CACNA2D3: variants seen among roughly 807,000 people sequenced by gnomAD.
The protein encoded by CACNA2D3 is calcium voltage-gated channel auxiliary subunit alpha2delta 3, also known as voltage-dependent calcium channel subunit alpha-2/delta-3.
In CACNA2D3, 60 loss-of-function variants were observed where a neutral mutation model predicts 160.6. The ratio of observed to expected loss-of-function variants is 0.37; its 90% confidence interval spans 0.30 to 0.46. The LOEUF (loss-of-function observed/expected upper bound fraction) is 0.46. Ranked by LOEUF, CACNA2D3 falls within the 20% of genes least tolerant of loss-of-function variation. The pLI, the probability that CACNA2D3 is intolerant of heterozygous loss-of-function variation, is 1.00. For missense variants in CACNA2D3, 1,205 were observed against 1,365.0 expected (o/e 0.88, Z 1.85); for synonymous variants, 558 against 492.9 (o/e 1.13, Z -1.75).
At chr3:54,509,291 T>TGTG (rs1701420684) in intron 5 of CACNA2D3, among the ~76,000 whole-genome samples, 1 of 150,850 alleles carries the variant, frequency 6.6e-6, no homozygotes, top group African/African-American at 2.4e-5. Flanking sequence ...GTGTGTGTGT[T>TGTG]TGTGTGTGTG....
intron 11 of CACNA2D3, among the ~76,000 whole-genome samples, chr3:54,727,483 A>C (rs1309963953): frequency 6.6e-6 from 1 of 152,250 alleles, no homozygotes; most frequent in Admixed American, 6.5e-5. Context: ...CACTATTCAC[A>C]ATAGCAAAGA....
At chr3:54,599,378 A>ATGTCG (rs1340801666) in intron 9 of CACNA2D3, among the ~76,000 whole-genome samples, 1 of 152,216 alleles carries the variant, frequency 6.6e-6, no homozygotes, top group Non-Finnish European at 1.5e-5. Flanking sequence ...AAGTGGTCAA[A>ATGTCG]TGTCGGCAAT....
intron 17 of CACNA2D3, among the ~76,000 whole-genome samples, chr3:54,853,008 G>A (rs141046400): frequency 1.1e-3 from 163 of 151,946 alleles, no homozygotes; most frequent in African/African-American, 3.7e-3. Context: ...AGGTCCTTTC[G>A]TCCGTTCCTC....
At chr3:54,554,580 A>G (rs1043045976) in intron 5 of CACNA2D3, among the ~76,000 whole-genome samples, 10 of 152,076 alleles carry the variant, frequency 6.6e-5, no homozygotes, top group African/African-American at 1.9e-4. Context: ...TCCTCCCACC[A>G]CACAGCAAGT....
chr3:54,863,430 C>T (rs4955902), intron 17 of CACNA2D3, among the ~76,000 whole-genome samples: 50,280 of 152,010 alleles, frequency 0.33, 9,344 homozygotes, highest in Admixed American at 0.51. Flanking sequence ...TTCAGAGTGT[C>T]CTGTTCTCTG....
intron 3 of CACNA2D3, among the ~76,000 whole-genome samples, chr3:54,331,263 C>G (rs1704245826): frequency 6.6e-6 from 1 of 152,144 alleles, no homozygotes; most frequent in Non-Finnish European, 1.5e-5. Flanking sequence ...TGTAGCCATC[C>G]TGGGCCTCCA....
chr3:54,497,225 C>T (rs1199989948), intron 4 of CACNA2D3, among the ~76,000 whole-genome samples: 2 of 151,930 alleles, frequency 1.3e-5, no homozygotes, highest in Non-Finnish European at 2.9e-5. Context: ...ATAGAATTCT[C>T]CAATTTTTGA....
At chr3:54,746,926 G>T (rs1701762342) in intron 11 of CACNA2D3, among the ~76,000 whole-genome samples, 1 of 152,076 alleles carries the variant, frequency 6.6e-6, no homozygotes, top group Non-Finnish European at 1.5e-5. Flanking sequence ...TGCCAAGTCT[G>T]GCTGATGTCT....
chr3:54,444,222 G>C (rs990855982), intron 4 of CACNA2D3, among the ~76,000 whole-genome samples: 1 of 152,144 alleles, frequency 6.6e-6, no homozygotes, highest in African/African-American at 2.4e-5. Flanking sequence ...TGGCCTGTTA[G>C]AGTCTCCCAG....
At chr3:54,350,098 G>A (rs1168171475) in intron 3 of CACNA2D3, among the ~76,000 whole-genome samples, 1 of 152,178 alleles carries the variant, frequency 6.6e-6, no homozygotes, top group Non-Finnish European at 1.5e-5. Context: ...CTCCCAGTGG[G>A]CAGTGTTTCC....
At chr3:54,468,165 C>T (rs985772232) in intron 4 of CACNA2D3, among the ~76,000 whole-genome samples, 1 of 152,164 alleles carries the variant, frequency 6.6e-6, no homozygotes, top group Non-Finnish European at 1.5e-5. Flanking sequence ...ACAAACAACT[C>T]CAGTCTGCAG....
intron 27 of CACNA2D3, among the ~76,000 whole-genome samples, chr3:54,940,248 C>T (rs967063787): frequency 6.6e-6 from 1 of 152,162 alleles, no homozygotes; most frequent in East Asian, 1.9e-4. Flanking sequence ...TGGAAGACTG[C>T]AACTATTTTC....
chr3:54,454,352 A>C (rs567854691), intron 4 of CACNA2D3, among the ~76,000 whole-genome samples: 1 of 152,198 alleles, frequency 6.6e-6, no homozygotes, highest in South Asian at 2.1e-4. Context: ...CACCCCCAAA[A>C]GTTCTCTTGT....
rs771464959 is a variant in CACNA2D3, at chr3:54,570,069, A to G, written c.853A>G (p.Thr285Ala). 1 of 1,613,886 alleles carries G rather than the reference A, an allele frequency of 6.2e-7. No individual in the cohort carries two copies. The highest frequency in any genetic ancestry group is 2.2e-5 in the East Asian group (1 of 44,890). The change falls in exon 8 of 38, where the codon ACA (threonine) becomes GCA (alanine). Residue 285 changes from threonine to alanine, a missense_variant. Physicochemically the swap from Thr to Ala is moderately conservative, Grantham distance 58. Around this residue, in one of 3 missense-constraint regions of CACNA2D3, gnomAD observed 131 missense variants for 201.5 expected, o/e 0.65. Transcript: ENST00000474759. Reference sequence around the variant, plus strand: ...GCAAACAGTCTCATCCATTTTGGATACACTTGGGGATGATGACTTCTTCAA... The same window carrying G: ...GCAAACAGTCTCATCCATTTTGGATGCACTTGGGGATGATGACTTCTTCAA... The part of the protein sequence containing the change: ...AKQTVSSILD[T>A]LGDDDFFNII...
At chr3:54,788,695 A>G (rs959667672) in intron 13 of CACNA2D3, among the ~76,000 whole-genome samples, 84 of 152,198 alleles carry the variant, frequency 5.5e-4, no homozygotes, top group African/African-American at 1.9e-3. Flanking sequence ...GTGCCCTTAT[A>G]TAAATCACTT....
intron 11 of CACNA2D3, among the ~76,000 whole-genome samples, chr3:54,686,069 TG>T (rs1360704803): frequency 6.6e-6 from 1 of 152,220 alleles, no homozygotes; most frequent in Non-Finnish European, 1.5e-5. Context: ...AGCAGGACTG[TG>T]TTAATACAAA....
intron 4 of CACNA2D3, among the ~76,000 whole-genome samples, chr3:54,454,701 T>C (rs1314635800): frequency 1.3e-5 from 2 of 152,176 alleles, no homozygotes; most frequent in Non-Finnish European, 2.9e-5. Context: ...AACTTATTCC[T>C]ACTATATGGT....
chr3:54,294,805 T>C (rs142750892), intron 2 of CACNA2D3, among the ~76,000 whole-genome samples: 106 of 152,324 alleles, frequency 7.0e-4, no homozygotes, highest in Middle Eastern at 6.8e-3. Context: ...GCAGACCTGC[T>C]GTGGAGTGTG....
intron 5 of CACNA2D3, among the ~76,000 whole-genome samples, chr3:54,542,816 A>G (rs1396937297): frequency 6.6e-6 from 1 of 152,216 alleles, no homozygotes; most frequent in Admixed American, 6.5e-5. Flanking sequence ...CCGAGGAACA[A>G]TACTTTGCAT....
Sources: gnomAD v4.1 joint callset for allele counts (sites outside exome capture counted in the v4.1 genomes callset) on GRCh38, gnomAD v4.1.1 for gene constraint, gnomAD v4.1.1 regional missense constraint, MANE v1.5 for transcripts, NCBI Gene and HGNC (gene_info 2026-07-23, HGNC 2026-07-21) for gene names.